IFFO2: variants seen among roughly 807,000 people sequenced by gnomAD.
IFFO2 encodes intermediate filament family orphan 2.
A neutral mutation model predicts 53.5 loss-of-function variants in IFFO2; 19 were observed. That is an observed-to-expected ratio of 0.36 (90% CI 0.25 to 0.52). IFFO2 has a LOEUF of 0.52. IFFO2 is among the 20% of genes least tolerant of loss of function. The pLI, the probability that IFFO2 is intolerant of heterozygous loss-of-function variation, is 0.94. For synonymous variants in IFFO2, 303 were observed against 313.6 expected (o/e 0.97, Z 0.36); for missense variants, 570 against 727.4 (o/e 0.78, Z 2.49).
intron 5 of IFFO2, among the ~76,000 whole-genome samples, chr1:18,914,544 C>CA (rs1936102881): frequency 6.6e-6 from 1 of 152,130 alleles, no homozygotes. Context: ...TGGCCAGGTG[C>CA]AGTGGCTCAT....
In IFFO2 at chr1:18,908,520, G is replaced by A. The variant is rs1360517843; in HGVS notation, c.*41C>T. 6 of 1,420,852 alleles carry A rather than the reference G, an allele frequency of 4.2e-6. No homozygotes were observed. Among genetic ancestry groups the A allele is most frequent in the Non-Finnish European group, 5.8e-6 (6 of 1,027,828 alleles). 88.0% of individuals were successfully genotyped at this position (1,420,852 alleles called of 1,614,324 possible). A position where few individuals can be genotyped will look rare whatever the true frequency, so the allele number is the denominator to read the frequency against. On this transcript the variant is annotated 3_prime_UTR_variant, in exon 9 of 9. Transcript: ENST00000455833. ...TGGCCCCATGAGGAGAGGTGGCAGGGCCCCATCACCAAGACCACCAGGCTC... is the reference window on the plus strand; with the variant it reads ...TGGCCCCATGAGGAGAGGTGGCAGGACCCCATCACCAAGACCACCAGGCTC...
chr1:18,908,624 T>C lies in IFFO2; in HGVS notation c.1491A>G (p.Gly497=). Residue 497 remains glycine (G), a synonymous_variant, in exon 9 of 9, where the codon GGA becomes GGG. Transcript: ENST00000455833. The part of the protein sequence containing the change: ...SPSSVASSDS[G]STDEIQDEFE... The stretch of plus-strand genomic sequence containing the variant: ...ACTCATCCTGGATCTCATCTGTACT[T>C]CCTGAGTCGCTGCTGGCCACGGAGC... 6.4e-7 allele frequency: 1 copy of C among 1,551,624 alleles called. No individual in the cohort carries two copies. The highest frequency in any genetic ancestry group is 8.7e-7 in the Non-Finnish European group (1 of 1,146,940).
intron 1 of IFFO2, among the ~76,000 whole-genome samples, chr1:18,951,945 C>T (rs1004552622): frequency 6.6e-6 from 1 of 152,130 alleles, no homozygotes; most frequent in Non-Finnish European, 1.5e-5. Flanking sequence ...AGAGAGCAAG[C>T]TGAGAGAGAT....
At chr1:18,932,487 A>G (rs1214967567) in intron 1 of IFFO2, among the ~76,000 whole-genome samples, 2 of 152,186 alleles carry the variant, frequency 1.3e-5, no homozygotes, top group Non-Finnish European at 2.9e-5. Flanking sequence ...TGCACTTCTG[A>G]GCTGTGTGCC....
At chr1:18,915,165 C>G (rs775867402) in intron 5 of IFFO2, among the ~76,000 whole-genome samples, 1 of 152,046 alleles carries the variant, frequency 6.6e-6, no homozygotes, top group African/African-American at 2.4e-5. Flanking sequence ...TCTGTGTGCC[C>G]CTCTGAGTCC....
At chr1:18,920,650 G>A (rs779764267) in intron 2 of IFFO2, among the ~76,000 whole-genome samples, 11 of 152,110 alleles carry the variant, frequency 7.2e-5, no homozygotes, top group Non-Finnish European at 8.8e-5. Flanking sequence ...CACCTGCGAC[G>A]TGCCCACCTG....
At chr1:18,955,560 C>A in intron 1 of IFFO2, 108 bp downstream of exon 1, 1 of 1,406,744 alleles carries the variant, frequency 7.1e-7, no homozygotes, top group South Asian at 1.4e-5. Flanking sequence ...TTCCAGCCCA[C>A]CTGCCAGTAC....
chr1:18,943,773 G>A (rs1010391965), intron 1 of IFFO2, among the ~76,000 whole-genome samples: 14 of 152,324 alleles, frequency 9.2e-5, no homozygotes, highest in South Asian at 2.1e-4. Flanking sequence ...TGCCTTTTGC[G>A]ACATGGAGAC....
At chr1:18,945,389 C>T (rs932665380) in intron 1 of IFFO2, among the ~76,000 whole-genome samples, 4 of 152,212 alleles carry the variant, frequency 2.6e-5, no homozygotes, top group African/African-American at 9.6e-5. Flanking sequence ...GGAAGATGGG[C>T]TGACCCTATA....
In IFFO2 at chr1:18,921,098, C is replaced by G. The variant is rs979878869; in HGVS notation, c.689G>C (p.Arg230Pro). ...GTCCACCATGGTCTGAAGGTTCATG[C>G]GCTTGGCGAGCTCCTCCTCCCACCT... is the stretch of plus-strand genomic sequence containing the variant. Reference protein sequence around the residue: ...KRRWEEELAKRMNLQTMVDTL... With the variant: ...KRRWEEELAKPMNLQTMVDTL... The change falls in exon 2 of 9, where the codon CGC becomes CCC. Residue 230 changes from arginine to proline, a missense_variant. Arg to Pro is a moderately radical substitution (Grantham distance 103). Transcript: ENST00000455833. 1.9e-6 allele frequency: 3 copies of G among 1,551,946 alleles called. No individual in the cohort carries two copies. The highest frequency in any genetic ancestry group is 2.6e-6 in the Non-Finnish European group (3 of 1,147,052).
At chr1:18,941,706 T>A (rs1936524653) in intron 1 of IFFO2, among the ~76,000 whole-genome samples, 2 of 152,198 alleles carry the variant, frequency 1.3e-5, no homozygotes, top group South Asian at 4.1e-4. Flanking sequence ...GGTAACAGTC[T>A]GCAAGAGGCA....
At chr1:18,946,549 G>C (rs1005062046) in intron 1 of IFFO2, among the ~76,000 whole-genome samples, 1 of 151,714 alleles carries the variant, frequency 6.6e-6, no homozygotes, top group Admixed American at 6.6e-5. Flanking sequence ...TGAGTAGCTG[G>C]GATTACAGGT....
In IFFO2 at chr1:18,918,236, A is replaced by G. The variant is rs1936163511; in HGVS notation, c.963+126T>C. ...GGAGGCCACAGGGTCAGGTAGTGCT[A>G]CCTCTCGGGGAAGGGGAGGGAGTGA... On this transcript the variant is annotated intron_variant, in intron 4 of 8. Transcript: ENST00000455833. The surrounding 1 kb of genome is among the most constrained non-coding windows in gnomAD (Gnocchi z 5.2). 6.8e-6 allele frequency: 6 copies of G among 879,304 alleles called. No homozygotes were observed. In the East Asian group the frequency reaches 1.3e-4, roughly 20 times the overall value. 54.5% of individuals were successfully genotyped at this position (879,304 alleles called of 1,614,324 possible).
chr1:18,939,713 G>A (rs957410637), intron 1 of IFFO2, among the ~76,000 whole-genome samples: 1 of 152,206 alleles, frequency 6.6e-6, no homozygotes, highest in Non-Finnish European at 1.5e-5. Context: ...TAATGGTGCT[G>A]CCTTGAGAAC....
intron 1 of IFFO2, among the ~76,000 whole-genome samples, chr1:18,934,053 A>ATT (rs1936413729): frequency 4.2e-5 from 2 of 47,774 alleles, no homozygotes; most frequent in Non-Finnish European, 3.8e-5. Flanking sequence ...TATTTCTCTT[A>ATT]TTTCTTTTTT....
intron 1 of IFFO2, among the ~76,000 whole-genome samples, chr1:18,948,158 A>G (rs192371641): frequency 1.5e-3 from 223 of 152,376 alleles, no homozygotes; most frequent in African/African-American, 4.9e-3. Context: ...AAACGGAAGC[A>G]TTAAGCCATA....
intron 1 of IFFO2, among the ~76,000 whole-genome samples, chr1:18,948,287 A>G (rs1936615450): frequency 6.6e-6 from 1 of 152,248 alleles, no homozygotes; most frequent in African/African-American, 2.4e-5. Flanking sequence ...GTACAGAGCG[A>G]CAAACTGAGG....
rs1935981448 is a variant in IFFO2, at chr1:18,908,351, T to C, written c.*210A>G. ...AATAGAAATTGACAGCACCATTCCT[T>C]GGGTGGGTGGGGGATGGAGACGGGG... On this transcript the variant is annotated 3_prime_UTR_variant, in exon 9 of 9. Coordinates refer to ENST00000455833, the MANE Select transcript of IFFO2 (RefSeq NM_001136265.2). 2 of 562,580 alleles carry C rather than the reference T, an allele frequency of 3.6e-6. No homozygotes were observed. Among genetic ancestry groups the C allele is most frequent in the Non-Finnish European group, 6.4e-6 (2 of 312,464 alleles). 34.8% of individuals were successfully genotyped at this position (562,580 alleles called of 1,614,324 possible). A position where few individuals can be genotyped will look rare whatever the true frequency, so the allele number is the denominator to read the frequency against.
chr1:18,941,150 G>A (rs1936515587), intron 1 of IFFO2, among the ~76,000 whole-genome samples: 1 of 152,240 alleles, frequency 6.6e-6, no homozygotes, highest in Non-Finnish European at 1.5e-5. Flanking sequence ...TGCTGGAGTG[G>A]TGCGATGTTC....
Sources: allele counts gnomAD v4.1 joint callset (sites outside exome capture counted in the v4.1 genomes callset), GRCh38; gene constraint gnomAD v4.1.1; non-coding constraint Gnocchi (gnomAD v3.1); transcripts MANE v1.5; gene names NCBI Gene and HGNC (gene_info 2026-07-23, HGNC 2026-07-21).